RAD9A: variants seen among roughly 807,000 people sequenced by gnomAD.
RAD9A encodes RAD9 checkpoint clamp component A, also known as cell cycle checkpoint control protein RAD9A.
Under a neutral mutation model 41.2 loss-of-function variants are expected in RAD9A, and 25 were observed. The observed-to-expected ratio is 0.61, with a 90% CI of 0.44 to 0.85. The LOEUF is 0.85. RAD9A is among the 40% of genes least tolerant of loss of function. The probability of loss-of-function intolerance (pLI) is 0.00; values close to 1 mark genes in which losing one functional copy is unlikely to be tolerated. For missense variants in RAD9A, 514 were observed against 518.3 expected (o/e 0.99, Z 0.08); for synonymous variants, 252 against 210.6 (o/e 1.20, Z -1.70).
At chr11:67,392,456 G>A (rs1046740138) in intron 2 of RAD9A, among the ~76,000 whole-genome samples, 198 bp from the exon 3 acceptor site, 1 of 152,254 alleles carries the variant, frequency 6.6e-6, no homozygotes, top group African/African-American at 2.4e-5. Context: ...CTCGGGGAAG[G>A]CCTGGGTGTG....
chr11:67,392,733 A>G lies in RAD9A; in HGVS notation c.185A>G (p.Gln62Arg), dbSNP rs755047696. ...GCCCCGCTCTTCTTCCAGCAATACC[A>G]GGCAGCCACCCCTGGTCAGGACCTG... ...LFAPLFFQQY[Q>R]AATPGQDLLR... The change falls in exon 3 of 11, where the codon CAG becomes CGG. Residue 62 changes from glutamine (Q) to arginine (R), a missense_variant. Coordinates refer to ENST00000307980, the MANE Select transcript of RAD9A (RefSeq NM_004584.3). The G allele has an allele frequency of 5.0e-6, 8 of 1,613,874 alleles. No homozygotes were observed. In the African/African-American group the frequency reaches 8.0e-5, roughly 16 times the overall value.
chr11:67,394,788 G>T (rs1003053865), intron 5 of RAD9A, among the ~76,000 whole-genome samples: 1 of 140,800 alleles, frequency 7.1e-6, no homozygotes, highest in Non-Finnish European at 1.5e-5. Context: ...CTAATTTTTT[G>T]TATTTTTAGT....
chr11:67,392,305 C>CA, intron 2 of RAD9A, 74 bp downstream of exon 2: 1 of 1,294,246 alleles, frequency 7.7e-7, no homozygotes, highest in East Asian at 2.5e-5. Context: ...GTCTCGCCCC[C>CA]ACTAGGCGGG....
Position 67,396,064 on chromosome 11 carries a change from C to A in RAD9A, c.669+43C>A, listed in dbSNP as rs762615347. ...CGCTCGCCGTCCTGTCCTCCCTGCCCAGCTCAGCCCAGCCCGGGGCCTCAC... is the reference window on the plus strand; with the variant it reads ...CGCTCGCCGTCCTGTCCTCCCTGCCAAGCTCAGCCCAGCCCGGGGCCTCAC... On this transcript the variant is annotated intron_variant, in intron 7 of 10. Transcript: ENST00000307980. 8.1e-6 allele frequency: 13 copies of A among 1,613,026 alleles called. No homozygotes were observed. The Admixed American group carries it at 1.0e-4, about 12-fold the overall frequency.
At position 67,393,920 on chromosome 11, in the gene RAD9A, C is replaced by T. The variant is rs996736280; in HGVS notation, c.449+130C>T. 28 of 798,604 alleles carry T rather than the reference C, an allele frequency of 3.5e-5. No individual in the cohort carries two copies. The Admixed American group carries it at 7.5e-4, about 22-fold the overall frequency. The allele number at this position is 798,604 out of a possible 1,614,324, so 49.5% of individuals were successfully genotyped here. A position where few individuals can be genotyped will look rare whatever the true frequency, so the allele number is the denominator to read the frequency against. ...GTTTCTGTGAACCTCAAAGACATCCCATGGCCCGCTATGTGCTCAGGTCCT... is the reference window on the plus strand; with the variant it reads ...GTTTCTGTGAACCTCAAAGACATCCTATGGCCCGCTATGTGCTCAGGTCCT... On this transcript the variant is annotated intron_variant, in intron 5 of 10. Transcript: ENST00000307980.
chr11:67,397,607 C>T lies in RAD9A; in HGVS notation c.*48C>T. The T allele has an allele frequency of 6.7e-7, 1 of 1,487,314 alleles. No homozygotes were observed. The highest frequency in any genetic ancestry group is 9.2e-7 in the Non-Finnish European group (1 of 1,082,972). The allele number at this position is 1,487,314 out of a possible 1,614,324, so 92.1% of individuals were successfully genotyped here. The stretch of plus-strand genomic sequence containing the variant: ...CCAGAGGCCTTGGACTAGACGAAGC[C>T]CCAGCCAGTGGCAGAACTGGGTCTC... On this transcript the variant is annotated 3_prime_UTR_variant, in exon 11 of 11. Coordinates refer to ENST00000307980, the MANE Select transcript of RAD9A (RefSeq NM_004584.3).
rs17881129 is a variant in RAD9A at position 67,392,573 on chromosome 11, G to A, written c.106-81G>A. The stretch of plus-strand genomic sequence containing the variant: ...GCGGAGCGGGAGGACGATAGGGCAA[G>A]TGTGTGAGCAGAAGCAGCCAGAGGG... On this transcript the variant is annotated intron_variant, in intron 2 of 10. Transcript: ENST00000307980. 3.6e-5 allele frequency: 56 copies of A among 1,557,636 alleles called. No individual in the cohort carries two copies. In the African/African-American group the frequency reaches 5.4e-4, roughly 15 times the overall value.
intron 5 of RAD9A, 180 bp from the exon 6 acceptor site, chr11:67,395,536 C>A (rs1195173442): frequency 1.3e-5 from 8 of 596,392 alleles, no homozygotes; most frequent in Non-Finnish European, 2.1e-5. Context: ...TGCCGCCTGC[C>A]AGGTTTGAGC....
At chr11:67,392,828 TCCA>T in intron 3 of RAD9A, 46 bp downstream of exon 3, 1 of 1,603,908 alleles carries the variant, frequency 6.2e-7, no homozygotes, top group Non-Finnish European at 8.5e-7. Context: ...CCCAGGAATC[TCCA>T]CCAGCTGTGC....
intron 5 of RAD9A, 124 bp from the exon 6 acceptor site, chr11:67,395,592 T>A (rs1304223745): frequency 5.5e-6 from 4 of 733,752 alleles, no homozygotes; most frequent in Non-Finnish European, 8.8e-6. Flanking sequence ...CTGGGCCTCA[T>A]CCACGGTGCG....
In RAD9A at chr11:67,393,310, T is replaced by A; in HGVS notation, c.235-186T>A. 3 of 1,342,214 alleles carry A rather than the reference T, an allele frequency of 2.2e-6. No individual in the cohort carries two copies. The East Asian group carries it at 8.5e-5, about 38-fold the overall frequency. 83.1% of individuals were successfully genotyped at this position (1,342,214 alleles called of 1,614,324 possible). ...AAAAAAAAAAAAAGGTAAGCAGGTC[T>A]TTCAAGGCATTCCAAGCATAAGGAA... On this transcript the variant is annotated intron_variant, in intron 3 of 10. Transcript: ENST00000307980.
chr11:67,392,302 C>T (rs541365920), intron 2 of RAD9A, 71 bp downstream of exon 2: 10 of 1,307,786 alleles, frequency 7.6e-6, no homozygotes, highest in Admixed American at 2.5e-5. Context: ...AGAGTCTCGC[C>T]CCCACTAGGC....
chr11:67,394,840 T>A (rs1474327782), intron 5 of RAD9A, among the ~76,000 whole-genome samples: 2 of 151,646 alleles, frequency 1.3e-5, no homozygotes, highest in African/African-American at 4.8e-5. Context: ...GGTCTTGAAC[T>A]CCCGACCTCA....
In RAD9A at chr11:67,397,679, T is replaced by C. The variant is rs1862755819; in HGVS notation, c.*120T>C. The C allele has an allele frequency of 1.1e-6, 1 of 927,012 alleles. No individual in the cohort carries two copies. Among genetic ancestry groups the C allele is most frequent in the South Asian group, 1.6e-5 (1 of 60,694 alleles). The allele number at this position is 927,012 out of a possible 1,614,324, so 57.4% of individuals were successfully genotyped here. On this transcript the variant is annotated 3_prime_UTR_variant, in exon 11 of 11. Coordinates refer to ENST00000307980, the MANE Select transcript of RAD9A (RefSeq NM_004584.3). Reference sequence around the variant, plus strand: ...GTGGGCTTGCTGGAGCTGAGCTGTTTCACTGCCTCTCGCAGGCCCCAGCTG... The same window carrying C: ...GTGGGCTTGCTGGAGCTGAGCTGTTCCACTGCCTCTCGCAGGCCCCAGCTG...
At chr11:67,392,259 T>TTGGGGGGGGGGGGG in intron 2 of RAD9A, 28 bp downstream of exon 2, 3 of 484,300 alleles carry the variant, frequency 6.2e-6, no homozygotes, top group Non-Finnish European at 4.1e-6. Context: ...GGGGGGCGGG[T>TTGGGGGGGGGGGGG]GGGACTCCAG....
At chr11:67,395,231 T>C (rs948879596) in intron 5 of RAD9A, 8 of 154,632 alleles carry the variant, frequency 5.2e-5, no homozygotes, top group South Asian at 2.0e-4. Flanking sequence ...GAGCCACTGT[T>C]TTTTTTTAAA....
intron 3 of RAD9A, chr11:67,393,293 A>AAAG: frequency 1.5e-6 from 2 of 1,311,978 alleles, no homozygotes; most frequent in East Asian, 6.1e-5. Flanking sequence ...AAAAAAAAAA[A>AAAG]AAAAGGTAAG....
chr11:67,398,270 A>C lies in RAD9A; in HGVS notation c.*711A>C, dbSNP rs961533096. Reference sequence around the variant, plus strand: ...GCCCTGAGGCCAAGCACGGCTGGAGACCCACGACCTGGCCTGCCGTTGCCC... The same window carrying C: ...GCCCTGAGGCCAAGCACGGCTGGAGCCCCACGACCTGGCCTGCCGTTGCCC... On this transcript the variant is annotated 3_prime_UTR_variant, in exon 11 of 11. Coordinates refer to ENST00000307980, the MANE Select transcript of RAD9A (RefSeq NM_004584.3). The C allele has an allele frequency of 2.4e-5, 12 of 501,850 alleles. No individual in the cohort carries two copies. In the Admixed American group the frequency reaches 2.6e-4, roughly 11 times the overall value. 31.1% of individuals were successfully genotyped at this position (501,850 alleles called of 1,614,324 possible). A position where few individuals can be genotyped will look rare whatever the true frequency, so the allele number is the denominator to read the frequency against.
At chr11:67,395,585 G>C (rs1326414944) in intron 5 of RAD9A, 131 bp from the exon 6 acceptor site, 1 of 690,684 alleles carries the variant, frequency 1.4e-6, no homozygotes. Flanking sequence ...ACCTTCTCTG[G>C]GCCTCATCCA....
Sources: gnomAD v4.1 joint callset for allele counts (sites outside exome capture counted in the v4.1 genomes callset) on GRCh38, gnomAD v4.1.1 for gene constraint, MANE v1.5 for transcripts, NCBI Gene and HGNC (gene_info 2026-07-23, HGNC 2026-07-21) for gene names.